The following CAMTA1 variants were observed in gnomAD, a reference collection of about 807,000 sequenced individuals.
CAMTA1 encodes the protein calmodulin-binding transcription activator 1.
Under a neutral mutation model 170.9 loss-of-function variants are expected in CAMTA1, and 27 were observed. The observed-to-expected ratio is 0.16, with a 90% CI of 0.12 to 0.22. CAMTA1 has a LOEUF of 0.22. CAMTA1 is among the 10% of genes least tolerant of loss of function. The pLI, the probability that CAMTA1 is intolerant of heterozygous loss-of-function variation, is 1.00. For missense variants in CAMTA1, 1,619 were observed against 2,217.2 expected (o/e 0.73, Z 5.42); for synonymous variants, 833 against 891.5 (o/e 0.93, Z 1.17).
rs1464989829 is a variant in CAMTA1 at position 7,748,307 on chromosome 1, G to A, written c.4689+526G>A. 6.6e-6 allele frequency among the ~76,000 whole-genome samples: 1 copy of A among 152,134 alleles called. No individual in the cohort carries two copies. Among genetic ancestry groups the A allele is most frequent in the East Asian group, 1.9e-4 (1 of 5,202 alleles). ...AAGCCACACATGATGGCGTGTGCCT[G>A]TAATCCCAGCTCCTCAAGAGGCTGA... is the stretch of plus-strand genomic sequence containing the variant. On this transcript the variant is annotated intron_variant, in intron 19 of 22. Transcript: ENST00000303635. This position sits in a 1 kb window ranked among gnomAD's most constrained non-coding sequence, Gnocchi z 4.7.
intron 11 of CAMTA1, among the ~76,000 whole-genome samples, chr1:7,706,455 CTG>C (rs1230650491): frequency 1.3e-5 from 2 of 152,218 alleles, no homozygotes; most frequent in Admixed American, 6.5e-5. Flanking sequence ...CCTGCAGAAT[CTG>C]TGTCTTATCG....
intron 6 of CAMTA1, among the ~76,000 whole-genome samples, chr1:7,528,056 A>G (rs1575813133): frequency 6.6e-6 from 1 of 152,228 alleles, no homozygotes; most frequent in Admixed American, 6.5e-5. Flanking sequence ...AGTGGGACCA[A>G]GAATCCCACA....
chr1:7,595,938 T>C (rs941017), intron 6 of CAMTA1, among the ~76,000 whole-genome samples: 148,594 of 152,314 alleles, frequency 0.98, 72,500 homozygotes, highest in East Asian at 1. Flanking sequence ...CTCCCAAGCT[T>C]CCAGGATGAG....
intron 3 of CAMTA1, among the ~76,000 whole-genome samples, chr1:6,898,828 T>C (rs1462603346): frequency 1.3e-5 from 2 of 152,242 alleles, no homozygotes; most frequent in Non-Finnish European, 2.9e-5. Context: ...CTCCAGCCTC[T>C]TGTTGCCTAG....
rs563639712 is a variant in CAMTA1, at chr1:7,442,569, G to A, written c.439-25261G>A. ...TAGAAAAAGAGGCCAAAGCAAAGTG[G>A]CACACGGGTTGAGAATATGGGTTTG... On this transcript the variant is annotated intron_variant, in intron 5 of 22. Coordinates refer to ENST00000303635, the MANE Select transcript of CAMTA1 (RefSeq NM_015215.4). Among the ~76,000 whole-genome samples the A allele has an allele frequency of 2.0e-5, 3 of 152,232 alleles. No homozygotes were observed. In the East Asian group the frequency reaches 5.8e-4, roughly 29 times the overall value.
At chr1:7,441,861 T>G in intron 5 of CAMTA1, among the ~76,000 whole-genome samples, 1 of 152,202 alleles carries the variant, frequency 6.6e-6, no homozygotes, top group Admixed American at 6.5e-5. Context: ...CACTTCTCCC[T>G]GCTCTTAGAC....
At chr1:7,332,625 C>T (rs1032488532) in intron 5 of CAMTA1, among the ~76,000 whole-genome samples, 1 of 152,114 alleles carries the variant, frequency 6.6e-6, no homozygotes, top group Non-Finnish European at 1.5e-5. Flanking sequence ...CTAATTTTCC[C>T]GCAGCCATTG....
chr1:7,499,329 CAT>C (rs1257114618), intron 6 of CAMTA1, among the ~76,000 whole-genome samples: 1 of 55,848 alleles, frequency 1.8e-5, no homozygotes, highest in Non-Finnish European at 3.3e-5. Flanking sequence ...CATGTGTGTA[CAT>C]GTGTGTAGAG....
intron 5 of CAMTA1, among the ~76,000 whole-genome samples, chr1:7,428,741 C>T (rs2092000596): frequency 6.6e-6 from 1 of 152,124 alleles, no homozygotes; most frequent in South Asian, 2.1e-4. Context: ...CCCCACCCCA[C>T]CACCCCTGTG....
intron 11 of CAMTA1, among the ~76,000 whole-genome samples, chr1:7,725,496 CG>C (rs1366529281): frequency 1.3e-5 from 2 of 152,212 alleles, no homozygotes; most frequent in African/African-American, 4.8e-5. Flanking sequence ...AGAGCTACTG[CG>C]GATGGCTCTG....
chr1:7,335,159 G>GTGTGTGTGTGTGT (rs1362841684), intron 5 of CAMTA1, among the ~76,000 whole-genome samples: 1 of 12,884 alleles, frequency 7.8e-5, no homozygotes, highest in African/African-American at 3.8e-4. Context: ...GGGGGGGGGT[G>GTGTGTGTGTGTGT]GGGGTGGGGG....
chr1:7,561,589 C>A lies in CAMTA1; in HGVS notation c.511-78811C>A, dbSNP rs963814920. Among the ~76,000 whole-genome samples, 1 of 151,970 alleles carries A rather than the reference C, an allele frequency of 6.6e-6. No homozygotes were observed. Among genetic ancestry groups the A allele is most frequent in the Admixed American group, 6.5e-5 (1 of 15,274 alleles). The stretch of plus-strand genomic sequence containing the variant: ...GGGCTGGTTCAGGGAGGAGGGGAGA[C>A]TGTGGGCGGCTTGCGCAGCACCCTC... On this transcript the variant is annotated intron_variant, in intron 6 of 22. Coordinates refer to ENST00000303635, the MANE Select transcript of CAMTA1 (RefSeq NM_015215.4). This position sits in a 1 kb window ranked among gnomAD's most constrained non-coding sequence, Gnocchi z 5.3.
chr1:6,870,801 G>A lies in CAMTA1; in HGVS notation c.234+45591G>A, dbSNP rs150296679. Among the ~76,000 whole-genome samples, 835 of 152,268 alleles carry A rather than the reference G, an allele frequency of 5.5e-3. 3 individuals carry two copies. The highest frequency in any genetic ancestry group is 9.4e-3 in the Non-Finnish European group (640 of 68,012). On this transcript the variant is annotated intron_variant, in intron 3 of 22. Coordinates refer to ENST00000303635, the MANE Select transcript of CAMTA1 (RefSeq NM_015215.4). ...TGTCTAGTAAGCACTAAGGAATTTG[G>A]ATCCCTAAACCAGGGAGCATATAGC...
chr1:7,311,207 A>T (rs565800081), intron 5 of CAMTA1, among the ~76,000 whole-genome samples: 2 of 152,244 alleles, frequency 1.3e-5, no homozygotes, highest in Non-Finnish European at 1.5e-5. Context: ...TATCTGTATC[A>T]CAATCCTTTT....
intron 6 of CAMTA1, among the ~76,000 whole-genome samples, chr1:7,505,492 C>T (rs1557834905): frequency 6.6e-6 from 1 of 152,176 alleles, no homozygotes; most frequent in African/African-American, 2.4e-5. Flanking sequence ...CTGCTGGAGA[C>T]AGCGGGAAAA....
intron 6 of CAMTA1, among the ~76,000 whole-genome samples, chr1:7,626,075 A>G (rs575185010): frequency 3.3e-5 from 5 of 152,336 alleles, no homozygotes; most frequent in African/African-American, 7.2e-5. Flanking sequence ...GAGAGCCACA[A>G]TTACTTCAGT....
At chr1:6,828,969 T>C (rs980515114) in intron 3 of CAMTA1, among the ~76,000 whole-genome samples, 1 of 144,656 alleles carries the variant, frequency 6.9e-6, no homozygotes, top group Non-Finnish European at 1.5e-5. Flanking sequence ...TCATCTCAGC[T>C]CCCTGCAACC....
At chr1:7,637,854 A>T (rs929163259) in intron 6 of CAMTA1, among the ~76,000 whole-genome samples, 5 of 152,238 alleles carry the variant, frequency 3.3e-5, no homozygotes, top group Non-Finnish European at 7.3e-5. Flanking sequence ...ATGGCTGGAA[A>T]GTGCTTTGAA....
At chr1:7,211,746 G>A (rs1019148873) in intron 4 of CAMTA1, among the ~76,000 whole-genome samples, 3 of 152,182 alleles carry the variant, frequency 2.0e-5, no homozygotes, top group Non-Finnish European at 4.4e-5. Flanking sequence ...TGTGCCTTGC[G>A]AGTGGTATGC....
Sources: gnomAD v4.1 joint callset for allele counts (sites outside exome capture counted in the v4.1 genomes callset) on GRCh38, gnomAD v4.1.1 for gene constraint, Gnocchi (gnomAD v3.1) non-coding constraint, MANE v1.5 for transcripts, NCBI Gene and HGNC (gene_info 2026-07-23, HGNC 2026-07-21) for gene names.